SLC12A1: variants seen among roughly 807,000 people sequenced by gnomAD.
The protein encoded by SLC12A1 is Na-K-2Cl cotransporter.
SLC12A1 carries 89 observed loss-of-function variants against 130.4 expected under a neutral mutation model. The ratio of observed to expected loss-of-function variants is 0.68; its 90% CI spans 0.58 to 0.81. The LOEUF (loss-of-function observed/expected upper bound fraction) is 0.81. SLC12A1 is among the 40% of genes least tolerant of loss of function. The pLI is 0.00. For missense variants in SLC12A1, 1,310 were observed against 1,336.4 expected (o/e 0.98, Z 0.31); for synonymous variants, 499 against 460.0 (o/e 1.08, Z -1.09).
At chr15:48,235,837 T>G (rs1239781751) in intron 9 of SLC12A1, among the ~76,000 whole-genome samples, 1 of 152,042 alleles carries the variant, frequency 6.6e-6, no homozygotes, top group African/African-American at 2.4e-5. Flanking sequence ...TTGCCCTCCA[T>G]CTGCAAGGTC....
chr15:48,285,300 T>C (rs2042046199), intron 21 of SLC12A1, 51 bp downstream of exon 21: 2 of 1,571,086 alleles, frequency 1.3e-6, no homozygotes, highest in Non-Finnish European at 8.8e-7. Context: ...AGTCACTATT[T>C]GAGCATCTAT....
intron 24 of SLC12A1, among the ~76,000 whole-genome samples, chr15:48,292,294 A>G (rs1238603827): frequency 1.3e-5 from 2 of 152,190 alleles, no homozygotes; most frequent in Non-Finnish European, 2.9e-5. Context: ...CACACTGACA[A>G]TACCAACTCT....
intron 15 of SLC12A1, among the ~76,000 whole-genome samples, chr15:48,252,241 C>T (rs1215735057): frequency 6.6e-6 from 1 of 152,060 alleles, no homozygotes; most frequent in Non-Finnish European, 1.5e-5. Context: ...CAATAGTTAA[C>T]CTTGTTGAGC....
rs139319648 is a variant in SLC12A1 at position 48,270,995 on chromosome 15, G to A, written c.2402+1231G>A. ...TCCCAGCATTTTGGGAGGCCGAGGC[G>A]GGTGGATTACCTGAGGTCAGGAGTT... is the stretch of plus-strand genomic sequence containing the variant. On this transcript the variant is annotated intron_variant, in intron 19 of 26. Transcript: ENST00000380993. Among the ~76,000 whole-genome samples the A allele has an allele frequency of 4.9e-3, 732 of 150,676 alleles. 8 individuals are homozygous for A. Among genetic ancestry groups the A allele is most frequent in the Middle Eastern group, 0.045 (13 of 292 alleles).
At position 48,259,183 on chromosome 15, in the gene SLC12A1, C is replaced by CT. The variant is rs112495679; in HGVS notation, c.2043-9dup. ...TTCTTGCAGGGGCTCATTTTCACAT[C>CT]TTTTTTTTACTTCCAGGCCCCAGTG... On this transcript the variant is annotated splice_polypyrimidine_tract_variant and intron_variant, in intron 16 of 26. Transcript: ENST00000380993. 65,740 of 1,528,386 alleles carry CT rather than the reference C, an allele frequency of 0.043. 1,503 individuals are homozygous for CT. The highest frequency in any genetic ancestry group is 0.054 in the African/African-American group (3,946 of 73,202). 94.7% of individuals were successfully genotyped at this position (1,528,386 alleles called of 1,614,324 possible). A position where few individuals can be genotyped will look rare whatever the true frequency, so the allele number is the denominator to read the frequency against.
At chr15:48,209,922 A>C (rs2041031872) in intron 2 of SLC12A1, among the ~76,000 whole-genome samples, 1 of 152,158 alleles carries the variant, frequency 6.6e-6, no homozygotes, top group African/African-American at 2.4e-5. Context: ...TTCCTTATAG[A>C]CCTAAGATTT....
At position 48,247,398 on chromosome 15, in the gene SLC12A1, A is replaced by C. The variant is rs1340824789; in HGVS notation, c.1622A>C (p.Asn541Thr). 5 of 1,611,720 alleles carry C rather than the reference A, an allele frequency of 3.1e-6. No homozygotes were observed. In the African/African-American group the frequency reaches 6.7e-5, roughly 22 times the overall value. The change falls in exon 13 of 27, where the codon AAC becomes ACC. Residue 541 changes from asparagine to threonine, a missense_variant. Coordinates refer to ENST00000380993, the MANE Select transcript of SLC12A1 (RefSeq NM_000338.3). ...LQFFAKGYGK[N>T]NEPLRGYILT... ...TTTTTTGCAAAGGGATATGGGAAAA[A>C]CAATGAACCCCTGAGAGGATATATT...
At chr15:48,247,075 C>A in intron 12 of SLC12A1, 59 bp downstream of exon 12, 2 of 1,345,230 alleles carry the variant, frequency 1.5e-6, no homozygotes, top group Non-Finnish European at 2.1e-6. Context: ...GAATGTGAAT[C>A]AAGCTGAAAT....
intron 8 of SLC12A1, among the ~76,000 whole-genome samples, chr15:48,234,466 G>T (rs2041415991): frequency 1.3e-5 from 2 of 152,152 alleles, no homozygotes; most frequent in Non-Finnish European, 2.9e-5. Flanking sequence ...AATGTGGCCG[G>T]GCGCGGTAGC....
chr15:48,244,700 C>T (rs2041557347), intron 10 of SLC12A1, 53 bp from the exon 11 acceptor site: 22 of 1,589,858 alleles, frequency 1.4e-5, no homozygotes, highest in East Asian at 2.2e-5. Context: ...AGTAGAAAAC[C>T]GTAAGGGACC....
Position 48,288,068 on chromosome 15 carries a change from G to T in SLC12A1, c.2655G>T (p.Ser885=). The change falls in exon 22 of 27, where the codon TCG becomes TCT. Residue 885 remains serine (S), a synonymous_variant. Coordinates refer to ENST00000380993, the MANE Select transcript of SLC12A1 (RefSeq NM_000338.3). ...ATGGCAGCATTAACACAAGCCAGTCGATGCATGTGGGAGAGTTCAACCAGA... is the reference window on the plus strand; with the variant it reads ...ATGGCAGCATTAACACAAGCCAGTCTATGCATGTGGGAGAGTTCAACCAGA... The part of the protein sequence containing the change: ...KKDGSINTSQ[S]MHVGEFNQKL... The T allele has an allele frequency of 6.2e-7, 1 of 1,610,950 alleles. No individual in the cohort carries two copies. The highest frequency in any genetic ancestry group is 8.5e-7 in the Non-Finnish European group (1 of 1,178,628).
rs1319497258 is a variant in SLC12A1, at chr15:48,240,110, TCC to T, written c.1216-1404_1216-1403del. Among the ~76,000 whole-genome samples, 19 of 116,068 alleles carry T rather than the reference TCC, an allele frequency of 1.6e-4. 1 individual carries two copies. Among genetic ancestry groups the T allele is most frequent in the African/African-American group, 3.1e-4 (8 of 25,472 alleles). 76.1% of individuals were successfully genotyped at this position (116,068 alleles called of 152,430 possible). On this transcript the variant is annotated intron_variant, in intron 9 of 26. Coordinates refer to ENST00000380993, the MANE Select transcript of SLC12A1 (RefSeq NM_000338.3). ...ATATATCCATATATATATATATATATCCATATATATATATATAATATGCATAA... is the reference window on the plus strand; with the variant it reads ...ATATATCCATATATATATATATATATATATATATATATATAATATGCATAA...
At chr15:48,236,170 T>G (rs546524653) in intron 9 of SLC12A1, among the ~76,000 whole-genome samples, 1 of 151,674 alleles carries the variant, frequency 6.6e-6, no homozygotes, top group Non-Finnish European at 1.5e-5. Context: ...CACAACAAAT[T>G]ATTATCAACT....
intron 9 of SLC12A1, 118 bp from the exon 10 acceptor site, chr15:48,241,397 C>A: frequency 1.3e-6 from 1 of 799,154 alleles, no homozygotes; most frequent in Non-Finnish European, 2.2e-6. Context: ...TTGATCTTTT[C>A]TTAGAACTTG....
In SLC12A1 at chr15:48,208,125, G is replaced by T. The variant is rs757157982; in HGVS notation, c.406G>T (p.Glu136Ter). ...VNRPSLLEIH[E>*]QLAKNVAVTP... ...CCGACCCAGCCTGCTTGAGATTCAC[G>T]AGCAACTCGCAAAGGTAAGCTTGAA... is the stretch of plus-strand genomic sequence containing the variant. Residue 136 changes from glutamate to a stop codon, truncating the protein, a stop_gained, in exon 2 of 27, where the codon GAG (glutamate) becomes TAG (stop). Coordinates refer to ENST00000380993, the MANE Select transcript of SLC12A1 (RefSeq NM_000338.3). LOFTEE classifies it high-confidence loss of function. The T allele has an allele frequency of 1.9e-6, 3 of 1,585,576 alleles. No individual in the cohort carries two copies. The highest frequency in any genetic ancestry group is 2.2e-5 in the East Asian group (1 of 44,536).
At chr15:48,301,494 G>T (rs2042231483) in intron 26 of SLC12A1, 112 bp downstream of exon 26, 29 of 506,292 alleles carry the variant, frequency 5.7e-5, no homozygotes, top group South Asian at 2.1e-4. Flanking sequence ...TTGTTTTTGT[G>T]TTTTTTTTGG....
At chr15:48,270,933 G>C (rs2041891829) in intron 19 of SLC12A1, among the ~76,000 whole-genome samples, 1 of 150,042 alleles carries the variant, frequency 6.7e-6, no homozygotes, top group African/African-American at 2.4e-5. Flanking sequence ...GTAGAAAGTT[G>C]AGCCTTTCAA....
At chr15:48,229,394 C>A in intron 6 of SLC12A1, 66 bp downstream of exon 6, 1 of 1,463,274 alleles carries the variant, frequency 6.8e-7, no homozygotes, top group Non-Finnish European at 9.3e-7. Flanking sequence ...CTTCTCAGGG[C>A]ACTAAGGGAT....
At chr15:48,211,287 C>T (rs2041049294) in intron 2 of SLC12A1, among the ~76,000 whole-genome samples, 1 of 152,186 alleles carries the variant, frequency 6.6e-6, no homozygotes, top group Admixed American at 6.5e-5. Flanking sequence ...TAGCCTGGCT[C>T]TCCATGTGTA....
Sources: gnomAD v4.1 joint callset for allele counts (sites outside exome capture counted in the v4.1 genomes callset) on GRCh38, gnomAD v4.1.1 for gene constraint, MANE v1.5 for transcripts, NCBI Gene and HGNC (gene_info 2026-07-23, HGNC 2026-07-21) for gene names.